The following FAM171A1 variants were observed in gnomAD, a reference collection of about 807,000 sequenced individuals.
The protein encoded by FAM171A1 is protein FAM171A1.
A neutral mutation model predicts 74.9 loss-of-function variants in FAM171A1; 23 were observed. That is an observed-to-expected ratio of 0.31 (90% CI 0.22 to 0.44). The LOEUF (loss-of-function observed/expected upper bound fraction) is 0.44. Among genes scored for constraint, FAM171A1 ranks in the 20% least tolerant of loss-of-function variants. The probability of loss-of-function intolerance (pLI) is 1.00; values close to 1 mark genes in which losing one functional copy is unlikely to be tolerated. For synonymous variants in FAM171A1, 527 were observed against 505.7 expected, an observed-to-expected ratio of 1.04 and a Z score of -0.57; for missense variants, 1,162 against 1,159.2, an observed-to-expected ratio of 1.00 and a Z score of -0.03.
chr10:15,243,551 A>G (rs950930918), intron 5 of FAM171A1, among the ~76,000 whole-genome samples: 2 of 152,140 alleles, frequency 1.3e-5, no homozygotes, highest in Non-Finnish European at 2.9e-5. Context: ...CAACCCATAC[A>G]GGAATCCCTA....
chr10:15,369,933 G>A (rs1479547586), intron 1 of FAM171A1, among the ~76,000 whole-genome samples: 1 of 152,206 alleles, frequency 6.6e-6, no homozygotes, highest in Non-Finnish European at 1.5e-5. Context: ...CTGAGCCCCC[G>A]GCAAGAGTCC....
Position 15,214,120 on chromosome 10 carries a change from T to C in FAM171A1, c.1468A>G (p.Asn490Asp). ...AATAAAGGCTGTGAGAGCACGGTGTTGTAACTACCCCTGTAGTCATCATTG... is the reference window on the plus strand; with the variant it reads ...AATAAAGGCTGTGAGAGCACGGTGTCGTAACTACCCCTGTAGTCATCATTG... Reference protein sequence around the residue: ...SGNDDYRGSYNTVLSQPLFEK... With the variant: ...SGNDDYRGSYDTVLSQPLFEK... Residue 490 changes from asparagine to aspartate, a missense_variant, in exon 8 of 8, where the codon AAC becomes GAC. Coordinates refer to ENST00000378116, the MANE Select transcript of FAM171A1 (RefSeq NM_001010924.2). 1 of 1,614,164 alleles carries C rather than the reference T, an allele frequency of 6.2e-7. No individual in the cohort carries two copies. Among genetic ancestry groups the C allele is most frequent in the Non-Finnish European group, 8.5e-7 (1 of 1,180,024 alleles).
At chr10:15,299,077 C>T (rs534341087) in intron 1 of FAM171A1, among the ~76,000 whole-genome samples, 3 of 152,248 alleles carry the variant, frequency 2.0e-5, no homozygotes, top group Non-Finnish European at 4.4e-5. Context: ...CGCACCACCA[C>T]GCCCGGTGAA....
intron 5 of FAM171A1, among the ~76,000 whole-genome samples, chr10:15,221,835 C>T (rs553577009): frequency 1.3e-3 from 193 of 152,192 alleles, no homozygotes; most frequent in Admixed American, 2.5e-3. Flanking sequence ...CCTGGGGCTG[C>T]CTGACCTCAA....
chr10:15,351,596 C>CATGGATGGATGGATGCATGG (rs528251202), intron 1 of FAM171A1, among the ~76,000 whole-genome samples: 29 of 10,234 alleles, frequency 2.8e-3, no homozygotes. Context: ...TGGATGGATG[C>CATGGATGGATGGATGCATGG]ATGGATGGAT....
At chr10:15,262,941 T>A (rs1401123584) in intron 3 of FAM171A1, among the ~76,000 whole-genome samples, 4 of 152,162 alleles carry the variant, frequency 2.6e-5, no homozygotes, top group Non-Finnish European at 4.4e-5. Flanking sequence ...ACGGCCTGCT[T>A]TCCCTGTGAA....
chr10:15,327,938 T>TA (rs11438566), intron 1 of FAM171A1, among the ~76,000 whole-genome samples: 118,290 of 143,292 alleles, frequency 0.83, 49,243 homozygotes, highest in East Asian at 0.98. Flanking sequence ...AAAATAAAAG[T>TA]AAAAAAAAAA....
intron 1 of FAM171A1, among the ~76,000 whole-genome samples, chr10:15,339,936 C>T (rs1188436710): frequency 1.3e-5 from 2 of 152,120 alleles, no homozygotes; most frequent in Admixed American, 6.6e-5. Flanking sequence ...AGGGGTTTCT[C>T]CTTATAAAAC....
intron 5 of FAM171A1, among the ~76,000 whole-genome samples, chr10:15,231,453 T>C (rs1039610939): frequency 2.6e-5 from 4 of 152,130 alleles, no homozygotes; most frequent in Admixed American, 6.6e-5. Flanking sequence ...TCTTCTCCCC[T>C]TGCCTTCTCA....
chr10:15,245,173 C>T (rs865815052), intron 5 of FAM171A1, among the ~76,000 whole-genome samples: 17 of 152,056 alleles, frequency 1.1e-4, no homozygotes, highest in African/African-American at 3.9e-4. Context: ...TTAAGTGATT[C>T]TCCTGCCTCA....
intron 1 of FAM171A1, among the ~76,000 whole-genome samples, chr10:15,332,520 T>C (rs1218748314): frequency 6.6e-6 from 1 of 152,212 alleles, no homozygotes; most frequent in East Asian, 1.9e-4. Context: ...ATGCTTTCTC[T>C]TGTCATATCC....
intron 4 of FAM171A1, among the ~76,000 whole-genome samples, chr10:15,254,279 T>C (rs1225688142): frequency 1.3e-5 from 2 of 152,072 alleles, no homozygotes; most frequent in Non-Finnish European, 2.9e-5. Context: ...GGCTGCAGCA[T>C]AGGTGGGTGG....
intron 3 of FAM171A1, among the ~76,000 whole-genome samples, chr10:15,258,316 C>A (rs937453745): frequency 6.4e-4 from 73 of 113,694 alleles, no homozygotes; most frequent in African/African-American, 2.3e-3. Flanking sequence ...CTGCCTCAGC[C>A]TCCCAACTCT....
intron 1 of FAM171A1, among the ~76,000 whole-genome samples, chr10:15,319,829 A>T (rs923082814): frequency 6.6e-6 from 1 of 152,230 alleles, no homozygotes; most frequent in African/African-American, 2.4e-5. Context: ...GAACTCAAGG[A>T]AGGGACAGAA....
At chr10:15,231,151 C>A (rs55708147) in intron 5 of FAM171A1, among the ~76,000 whole-genome samples, 1 of 152,130 alleles carries the variant, frequency 6.6e-6, no homozygotes, top group Non-Finnish European at 1.5e-5. Context: ...AGAGATCTTG[C>A]TAAGTGCAGG....
At chr10:15,278,635 G>A (rs527335388) in intron 2 of FAM171A1, among the ~76,000 whole-genome samples, 2 of 152,272 alleles carry the variant, frequency 1.3e-5, no homozygotes, top group South Asian at 2.1e-4. Flanking sequence ...CAGGCTGAGC[G>A]AAAGACGCCA....
intron 1 of FAM171A1, among the ~76,000 whole-genome samples, chr10:15,303,538 C>T (rs1030764034): frequency 2.0e-5 from 3 of 152,184 alleles, no homozygotes; most frequent in Non-Finnish European, 4.4e-5. Flanking sequence ...GCTTGACTTC[C>T]CTCTCTCGCC....
chr10:15,296,904 C>T (rs1205889557), intron 1 of FAM171A1, among the ~76,000 whole-genome samples: 1 of 152,152 alleles, frequency 6.6e-6, no homozygotes, highest in East Asian at 1.9e-4. Context: ...GCAACTGATG[C>T]TTATGTTAAA....
chr10:15,363,107 T>C (rs542596593), intron 1 of FAM171A1, among the ~76,000 whole-genome samples: 10 of 151,750 alleles, frequency 6.6e-5, no homozygotes, highest in Admixed American at 5.2e-4. Flanking sequence ...AGAGCAACTA[T>C]GGAAAGGAGG....
Sources: gnomAD v4.1 joint callset for allele counts (sites outside exome capture counted in the v4.1 genomes callset) on GRCh38, gnomAD v4.1.1 for gene constraint, MANE v1.5 for transcripts, NCBI Gene and HGNC (gene_info 2026-07-23, HGNC 2026-07-21) for gene names.